TENM3: variants seen among roughly 807,000 people sequenced by gnomAD.
TENM3 encodes teneurin transmembrane protein 3.
Under a neutral mutation model 255.1 loss-of-function variants are expected in TENM3, and 63 were observed. The observed-to-expected ratio is 0.25, with a 90% CI of 0.20 to 0.30. The LOEUF (loss-of-function observed/expected upper bound fraction) is 0.30, where lower values mean the gene tolerates loss of function less well. TENM3 is among the 10% of genes least tolerant of loss of function. The pLI, the probability that TENM3 is intolerant of heterozygous loss-of-function variation, is 1.00. For missense variants in TENM3, 2,929 were observed against 3,461.1 expected (o/e 0.85, Z 3.86); for synonymous variants, 1,306 against 1,322.3 (o/e 0.99, Z 0.27).
the TENM3 span, chr4:181,905,850 G>C: frequency 6.8e-6 from 3 of 439,464 alleles, 1 homozygote; most frequent in Non-Finnish European, 1.3e-5. Flanking sequence ...GGATTTCTTT[G>C]AGATATCATC....
the TENM3 span, among the ~76,000 whole-genome samples, chr4:181,813,195 C>T: frequency 6.6e-6 from 1 of 152,146 alleles, no homozygotes; most frequent in Admixed American, 6.6e-5. Context: ...CAAGGGATCT[C>T]TTTGAGTTCT....
the TENM3 span, among the ~76,000 whole-genome samples, chr4:181,616,003 G>A: frequency 6.6e-6 from 1 of 152,046 alleles, no homozygotes; most frequent in Admixed American, 6.6e-5. Flanking sequence ...GTGGTTATTA[G>A]AGCAGATCTT....
intron 3 of TENM3, among the ~76,000 whole-genome samples, chr4:182,354,669 T>G (rs28503343): frequency 0.031 from 4,713 of 152,322 alleles, 155 homozygotes; most frequent in African/African-American, 0.078. Flanking sequence ...CTTCAGTATA[T>G]TGAAATTTTC....
intron 3 of TENM3, 39 bp from the exon 4 acceptor site, chr4:182,600,885 T>A: frequency 1.1e-6 from 1 of 926,692 alleles, no homozygotes; most frequent in Non-Finnish European, 1.6e-6. Flanking sequence ...ATATATATAA[T>A]GAGTTCTCTT....
intron 1 of TENM3, among the ~76,000 whole-genome samples, chr4:182,281,726 TTTTA>T (rs982912291): frequency 4.6e-5 from 7 of 152,112 alleles, no homozygotes; most frequent in African/African-American, 7.2e-5. Flanking sequence ...TACATCATCA[TTTTA>T]TTTATTTATT....
intron 3 of TENM3, among the ~76,000 whole-genome samples, chr4:182,419,054 A>C (rs1770597540): frequency 1.3e-5 from 2 of 152,250 alleles, no homozygotes. Flanking sequence ...TCGGCCTTAC[A>C]AAGACATTCT....
At chr4:182,273,241 A>G (rs1049501812) in intron 1 of TENM3, among the ~76,000 whole-genome samples, 1 of 152,354 alleles carries the variant, frequency 6.6e-6, no homozygotes, top group Non-Finnish European at 1.5e-5. Context: ...AGGTGCTGTC[A>G]AGCACAGCTC....
At chr4:182,268,416 C>T (rs896172895) in intron 1 of TENM3, among the ~76,000 whole-genome samples, 6 of 152,072 alleles carry the variant, frequency 3.9e-5, no homozygotes, top group East Asian at 1.9e-4. Flanking sequence ...GATGAGTCTT[C>T]GTCCCTCTGC....
intron 13 of TENM3, among the ~76,000 whole-genome samples, chr4:182,727,455 CA>C (rs10522655): frequency 3.4e-5 from 4 of 119,298 alleles, no homozygotes; most frequent in Non-Finnish European, 6.9e-5. Flanking sequence ...GACTCAGTCT[CA>C]AAAAAAAAGA....
intron 3 of TENM3, among the ~76,000 whole-genome samples, chr4:182,493,891 A>G (rs79569742): frequency 0.021 from 3,175 of 152,268 alleles, 111 homozygotes; most frequent in African/African-American, 0.072. Flanking sequence ...TAAAAATAAT[A>G]TTGGTTTTTT....
At chr4:182,090,278 T>C in the TENM3 span, among the ~76,000 whole-genome samples, 3 of 152,210 alleles carry the variant, frequency 2.0e-5, no homozygotes, top group Non-Finnish European at 4.4e-5. Context: ...GCTTTTACAA[T>C]TGATACGCAG....
the TENM3 span, among the ~76,000 whole-genome samples, chr4:181,801,141 A>C: frequency 2.0e-5 from 3 of 152,098 alleles, no homozygotes; most frequent in Admixed American, 6.6e-5. Context: ...CTTGGCAAGC[A>C]GGCATTAGGC....
intron 13 of TENM3, among the ~76,000 whole-genome samples, chr4:182,724,619 C>A (rs745928176): frequency 3.9e-5 from 6 of 152,164 alleles, no homozygotes; most frequent in Non-Finnish European, 7.3e-5. Context: ...GACTACATGC[C>A]AGATGTACAT....
At chr4:181,932,785 C>A in the TENM3 span, among the ~76,000 whole-genome samples, 2 of 152,124 alleles carry the variant, frequency 1.3e-5, no homozygotes, top group African/African-American at 4.8e-5. Context: ...CAATGATAGA[C>A]TGGATAAAGA....
At chr4:181,918,798 T>G in the TENM3 span, among the ~76,000 whole-genome samples, 2 of 152,192 alleles carry the variant, frequency 1.3e-5, no homozygotes, top group Admixed American at 6.5e-5. Flanking sequence ...TGAAGGTATA[T>G]AAATTGACAA....
intron 3 of TENM3, among the ~76,000 whole-genome samples, chr4:182,427,523 A>G (rs1246765288): frequency 1.3e-5 from 2 of 152,186 alleles, no homozygotes; most frequent in Admixed American, 1.3e-4. Flanking sequence ...AATTTACTGA[A>G]AAATGCTCTC....
At chr4:182,490,193 T>C (rs1735153759) in intron 3 of TENM3, among the ~76,000 whole-genome samples, 1 of 152,192 alleles carries the variant, frequency 6.6e-6, no homozygotes, top group Admixed American at 6.5e-5. Flanking sequence ...ATCTTTGTAA[T>C]GATGATGTTG....
the TENM3 span, among the ~76,000 whole-genome samples, chr4:181,633,639 T>G: frequency 0.16 from 24,875 of 152,232 alleles, 2,172 homozygotes; most frequent in Middle Eastern, 0.22. Flanking sequence ...CTGAGGGTTA[T>G]GACTACTTGG....
At chr4:182,527,404 A>G (rs1739314038) in intron 3 of TENM3, among the ~76,000 whole-genome samples, 1 of 152,168 alleles carries the variant, frequency 6.6e-6, no homozygotes, top group Non-Finnish European at 1.5e-5. Context: ...CTTTAAATGA[A>G]GGAAAGGCTC....
Sources: gnomAD v4.1 joint callset for allele counts (sites outside exome capture counted in the v4.1 genomes callset) on GRCh38, gnomAD v4.1.1 for gene constraint, MANE v1.5 for transcripts, NCBI Gene and HGNC (gene_info 2026-07-23, HGNC 2026-07-21) for gene names.